Variants in FERMT2 observed in about 807,000 individuals in gnomAD.
FERMT2 encodes the protein FERM domain containing kindlin 2.
Under a neutral mutation model 82.7 loss-of-function variants are expected in FERMT2, and 15 were observed. The ratio of observed to expected loss-of-function variants is 0.18; its 90% CI spans 0.12 to 0.28. The LOEUF is 0.28. FERMT2 is among the 10% of genes least tolerant of loss of function. The pLI is 1.00. For synonymous variants in FERMT2, 274 were observed against 271.5 expected, an observed-to-expected ratio of 1.01 and a Z score of -0.09; for missense variants, 645 against 809.4, an observed-to-expected ratio of 0.80 and a Z score of 2.46.
At chr14:52,875,428 A>G in intron 7 of FERMT2, 71 bp from the exon 8 acceptor site, 1 of 1,179,714 alleles carries the variant, frequency 8.5e-7, no homozygotes, top group Non-Finnish European at 1.2e-6. Context: ...TACTATCTGA[A>G]TCTATATTTA....
intron 3 of FERMT2, among the ~76,000 whole-genome samples, chr14:52,896,414 T>G (rs901546770): frequency 6.6e-6 from 1 of 152,152 alleles, no homozygotes. Context: ...GAAAGCTTTT[T>G]GTTTGTAGGG....
At chr14:52,893,489 A>T in intron 3 of FERMT2, 62 bp from the exon 4 acceptor site, 2 of 1,252,246 alleles carry the variant, frequency 1.6e-6, no homozygotes, top group Non-Finnish European at 2.2e-6. Context: ...TACACTTAGT[A>T]AATCTATTGT....
chr14:52,859,211 C>G (rs1256896920), intron 14 of FERMT2: 1 of 169,426 alleles, frequency 5.9e-6, no homozygotes, highest in African/African-American at 2.4e-5. Context: ...TGTCCAACTG[C>G]CTTAAAAGGC....
In FERMT2 at chr14:52,919,183, C is replaced by A; in HGVS notation, c.331G>T (p.Val111Leu). The A allele has an allele frequency of 1.2e-6, 2 of 1,614,016 alleles. No homozygotes were observed. The highest frequency in any genetic ancestry group is 1.7e-6 in the Non-Finnish European group (2 of 1,179,976). ...ACTCTATCAGAGAAATTCACTTTCA[C>A]CTTCACATACTTCATGTTGGGAAGC... ...LQLPNMKYVK[V>L]KVNFSDRVFK... is the part of the protein sequence containing the mutation. The change falls in exon 3 of 15, where the codon GTG becomes TTG. Residue 111 changes from valine to leucine, a missense_variant. Coordinates refer to ENST00000341590, the MANE Select transcript of FERMT2 (RefSeq NM_006832.3).
At chr14:52,879,248 T>C (rs925403604) in intron 6 of FERMT2, among the ~76,000 whole-genome samples, 1 of 152,216 alleles carries the variant, frequency 6.6e-6, no homozygotes, top group Non-Finnish European at 1.5e-5. Flanking sequence ...TTATATGTTA[T>C]TCAATTATCC....
chr14:52,872,645 T>C (rs1389733823), intron 10 of FERMT2, among the ~76,000 whole-genome samples, 154 bp downstream of exon 10: 1 of 152,208 alleles, frequency 6.6e-6, no homozygotes, highest in African/African-American at 2.4e-5. Flanking sequence ...AAAAGGACTA[T>C]GTAAAAGAGA....
At chr14:52,882,726 C>T (rs1344055682) in intron 4 of FERMT2, among the ~76,000 whole-genome samples, 3 of 151,994 alleles carry the variant, frequency 2.0e-5, no homozygotes, top group African/African-American at 7.3e-5. Flanking sequence ...GATAGAAACA[C>T]TGCCTGTGAA....
chr14:52,893,038 C>T lies in FERMT2; in HGVS notation c.526+255G>A, dbSNP rs1248794057. Among the ~76,000 whole-genome samples the T allele has an allele frequency of 2.0e-5, 3 of 152,196 alleles. No homozygotes were observed. In the East Asian group the frequency reaches 5.8e-4, roughly 29 times the overall value. ...TTTGAGACGGAGTCTCACTCTGTCA[C>T]CCAGGCTGGAGTGCAGTGGCACGAT... On this transcript the variant is annotated intron_variant, in intron 4 of 14. Transcript: ENST00000341590.
intron 2 of FERMT2, among the ~76,000 whole-genome samples, chr14:52,921,031 G>A (rs377051837): frequency 3.9e-5 from 6 of 151,984 alleles, no homozygotes; most frequent in African/African-American, 1.2e-4. Context: ...TAATATAGTC[G>A]TACCTTTAAA....
At chr14:52,861,264 C>G in intron 12 of FERMT2, 1 of 512,360 alleles carries the variant, frequency 2.0e-6, no homozygotes, top group South Asian at 2.8e-5. Context: ...CTGAGAAACA[C>G]TCCACATTAT....
intron 4 of FERMT2, among the ~76,000 whole-genome samples, chr14:52,886,199 A>G (rs1282588462): frequency 6.6e-6 from 1 of 152,198 alleles, no homozygotes; most frequent in Non-Finnish European, 1.5e-5. Flanking sequence ...AACATTCAAT[A>G]TTGAGCAGAA....
At chr14:52,912,863 T>C (rs1396959630) in intron 3 of FERMT2, among the ~76,000 whole-genome samples, 1 of 152,226 alleles carries the variant, frequency 6.6e-6, no homozygotes, top group Non-Finnish European at 1.5e-5. Flanking sequence ...GATCCTTATT[T>C]CTTTATTCCA....
chr14:52,869,487 C>T (rs1265104023), intron 10 of FERMT2, among the ~76,000 whole-genome samples: 2 of 152,084 alleles, frequency 1.3e-5, no homozygotes, highest in Non-Finnish European at 2.9e-5. Flanking sequence ...ACTGCATATA[C>T]GACAGCGACA....
intron 6 of FERMT2, 80 bp from the exon 7 acceptor site, chr14:52,878,769 A>G (rs1269736614): frequency 5.5e-5 from 37 of 674,668 alleles, no homozygotes; most frequent in Non-Finnish European, 7.2e-6. Context: ...TTCAATTGAC[A>G]AGAAAAATTT....
In FERMT2 at chr14:52,858,259, G is replaced by C; in HGVS notation, c.*118C>G. On this transcript the variant is annotated 3_prime_UTR_variant, in exon 15 of 15. Transcript: ENST00000341590. The stretch of plus-strand genomic sequence containing the variant: ...ATATTAACTGGTCTGGTAAGGCAAA[G>C]AAGTTTTCATGATAAAATGATAAAT... The C allele has an allele frequency of 1.1e-6, 1 of 870,430 alleles. No homozygotes were observed. The highest frequency in any genetic ancestry group is 1.8e-6 in the Non-Finnish European group (1 of 552,712). 53.9% of individuals were successfully genotyped at this position (870,430 alleles called of 1,614,324 possible). A position where few individuals can be genotyped will look rare whatever the true frequency, so the allele number is the denominator to read the frequency against.
At chr14:52,879,044 C>A (rs118146505) in intron 6 of FERMT2, among the ~76,000 whole-genome samples, 1 of 152,032 alleles carries the variant, frequency 6.6e-6, no homozygotes, top group African/African-American at 2.4e-5. Context: ...TAAAGTAAGG[C>A]GGAACTACCG....
chr14:52,881,546 T>C, intron 4 of FERMT2, 77 bp from the exon 5 acceptor site: 1 of 1,104,620 alleles, frequency 9.1e-7, no homozygotes, highest in Admixed American at 2.2e-5. Context: ...CATATTATGA[T>C]ATAAAGCACA....
intron 2 of FERMT2, among the ~76,000 whole-genome samples, chr14:52,941,277 G>T (rs1890076866): frequency 6.6e-6 from 1 of 152,174 alleles, no homozygotes; most frequent in Non-Finnish European, 1.5e-5. Flanking sequence ...TGGTTTTTAG[G>T]ATCTGGGTTT....
chr14:52,894,508 G>C (rs1887139449), intron 3 of FERMT2, among the ~76,000 whole-genome samples: 1 of 152,074 alleles, frequency 6.6e-6, no homozygotes, highest in African/African-American at 2.4e-5. Context: ...TACACTAACT[G>C]ATTTTAAGAC....
Sources: gnomAD v4.1 joint callset for allele counts (sites outside exome capture counted in the v4.1 genomes callset) on GRCh38, gnomAD v4.1.1 for gene constraint, MANE v1.5 for transcripts, NCBI Gene and HGNC (gene_info 2026-07-23, HGNC 2026-07-21) for gene names.